The following SLC25A21 variants were observed in gnomAD, a reference collection of about 807,000 sequenced individuals.
SLC25A21 encodes solute carrier family 25 member 21.
Under a neutral mutation model 43.8 loss-of-function variants are expected in SLC25A21, and 47 were observed. That is an observed-to-expected ratio of 1.07 (90% CI 0.85 to 1.37). The LOEUF (loss-of-function observed/expected upper bound fraction) is 1.37. Among genes scored for constraint, SLC25A21 ranks in the 40% most tolerant of loss-of-function variants. The pLI is 0.00. For synonymous variants in SLC25A21, 131 were observed against 121.3 expected (o/e 1.08, Z -0.52); for missense variants, 352 against 350.2 (o/e 1.00, Z -0.04).
At chr14:37,136,314 G>T (rs1046058898) in intron 1 of SLC25A21, among the ~76,000 whole-genome samples, 3 of 152,130 alleles carry the variant, frequency 2.0e-5, no homozygotes, top group Non-Finnish European at 4.4e-5. Context: ...CAGTAGAAAA[G>T]CATGAGTTTA....
chr14:37,163,121 T>C, intron 1 of SLC25A21, among the ~76,000 whole-genome samples: 2 of 139,776 alleles, frequency 1.4e-5, no homozygotes. Context: ...AAGGGGAACA[T>C]CACACTCTGG....
At chr14:36,819,254 T>C (rs1489780111) in intron 2 of SLC25A21, among the ~76,000 whole-genome samples, 1 of 152,164 alleles carries the variant, frequency 6.6e-6, no homozygotes, top group Non-Finnish European at 1.5e-5. Flanking sequence ...AAACAGGCCC[T>C]GTCATTCACC....
At chr14:36,850,439 T>C (rs546300248) in intron 2 of SLC25A21, among the ~76,000 whole-genome samples, 1 of 152,278 alleles carries the variant, frequency 6.6e-6, no homozygotes, top group East Asian at 1.9e-4. Flanking sequence ...AAATTTTTTT[T>C]TATACACACT....
chr14:36,832,498 T>C (rs1357975316), intron 2 of SLC25A21, among the ~76,000 whole-genome samples: 6 of 152,172 alleles, frequency 3.9e-5, no homozygotes, highest in Non-Finnish European at 8.8e-5. Flanking sequence ...TTTGCACTTT[T>C]ATAGTTGTAG....
intron 3 of SLC25A21, among the ~76,000 whole-genome samples, chr14:36,752,916 G>A (rs1241422692): frequency 6.6e-6 from 1 of 152,140 alleles, no homozygotes; most frequent in Admixed American, 6.5e-5. Flanking sequence ...AGTTTCCTGA[G>A]GCCTCCCAGA....
intron 1 of SLC25A21, among the ~76,000 whole-genome samples, chr14:36,925,583 A>C (rs1448816746): frequency 1.3e-5 from 2 of 152,220 alleles, no homozygotes; most frequent in South Asian, 2.1e-4. Context: ...ACGGTGGCTC[A>C]CACCTGTAAT....
intron 1 of SLC25A21, among the ~76,000 whole-genome samples, chr14:37,170,691 TC>T (rs1964108391): frequency 6.6e-6 from 1 of 151,124 alleles, no homozygotes; most frequent in South Asian, 2.1e-4. Context: ...CTTTGGGAGG[TC>T]AAGGGGGTCA....
chr14:37,165,325 CAA>C (rs1964012902), intron 1 of SLC25A21, among the ~76,000 whole-genome samples: 1 of 151,612 alleles, frequency 6.6e-6, no homozygotes, highest in African/African-American at 2.4e-5. Context: ...TGCAGTGAGC[CAA>C]GATTGCGCCA....
intron 1 of SLC25A21, among the ~76,000 whole-genome samples, chr14:37,171,201 A>G (rs1964122675): frequency 6.6e-6 from 1 of 151,850 alleles, no homozygotes; most frequent in African/African-American, 2.4e-5. Context: ...CTCTAATGTG[A>G]TATTGATGAA....
At chr14:37,070,759 T>G (rs542775779) in intron 1 of SLC25A21, among the ~76,000 whole-genome samples, 1 of 152,280 alleles carries the variant, frequency 6.6e-6, no homozygotes, top group Admixed American at 6.5e-5. Context: ...TAAGCAAGCC[T>G]GGAAGTGATT....
intron 3 of SLC25A21, among the ~76,000 whole-genome samples, chr14:36,748,005 A>T (rs1342207810): frequency 6.6e-6 from 1 of 152,220 alleles, no homozygotes; most frequent in Non-Finnish European, 1.5e-5. Flanking sequence ...AATGCTTTAC[A>T]ATTATTATCC....
intron 1 of SLC25A21, among the ~76,000 whole-genome samples, chr14:36,938,035 G>A (rs755380515): frequency 1.3e-5 from 2 of 152,132 alleles, no homozygotes; most frequent in African/African-American, 2.4e-5. Flanking sequence ...ATGGCAACTC[G>A]ATATAATGTT....
At chr14:37,099,348 T>G (rs532853482) in intron 1 of SLC25A21, among the ~76,000 whole-genome samples, 1 of 152,268 alleles carries the variant, frequency 6.6e-6, no homozygotes, top group East Asian at 1.9e-4. Flanking sequence ...CCTTAACATT[T>G]AAACCCGTAC....
intron 4 of SLC25A21, among the ~76,000 whole-genome samples, chr14:36,733,603 A>C (rs1427901897): frequency 6.6e-6 from 1 of 152,218 alleles, no homozygotes; most frequent in East Asian, 1.9e-4. Context: ...AAAGTATATG[A>C]ACTGTTCCTT....
At chr14:36,690,795 C>A (rs1267975588) in intron 7 of SLC25A21, among the ~76,000 whole-genome samples, 1 of 152,160 alleles carries the variant, frequency 6.6e-6, no homozygotes, top group African/African-American at 2.4e-5. Flanking sequence ...TAGCTTCTGC[C>A]TCTTAAAGCT....
At chr14:37,106,644 G>A (rs1223265559) in intron 1 of SLC25A21, among the ~76,000 whole-genome samples, 1 of 152,282 alleles carries the variant, frequency 6.6e-6, no homozygotes, top group East Asian at 1.9e-4. Flanking sequence ...TGTTCCCTCA[G>A]AAGCATGTGA....
chr14:36,993,784 T>G (rs540034409), intron 1 of SLC25A21, among the ~76,000 whole-genome samples: 1 of 152,080 alleles, frequency 6.6e-6, no homozygotes, highest in Non-Finnish European at 1.5e-5. Flanking sequence ...CAGAGTAAAT[T>G]TATAAGGAGG....
chr14:37,122,866 T>C (rs190123550), intron 1 of SLC25A21, among the ~76,000 whole-genome samples: 1 of 152,266 alleles, frequency 6.6e-6, no homozygotes, highest in Admixed American at 6.5e-5. Context: ...CATCTAGAAA[T>C]CAACCAAAAA....
intron 2 of SLC25A21, among the ~76,000 whole-genome samples, chr14:36,842,590 C>T (rs1390093687): frequency 1.3e-5 from 2 of 152,154 alleles, no homozygotes; most frequent in African/African-American, 4.8e-5. Flanking sequence ...GGTGAGTTGC[C>T]TATTATTTGC....
Sources: gnomAD v4.1 joint callset for allele counts (sites outside exome capture counted in the v4.1 genomes callset) on GRCh38, gnomAD v4.1.1 for gene constraint, MANE v1.5 for transcripts, NCBI Gene and HGNC (gene_info 2026-07-23, HGNC 2026-07-21) for gene names.